Variants in PPP1R9A observed in about 807,000 individuals in gnomAD.
PPP1R9A encodes the protein protein phosphatase 1 regulatory subunit 9A.
In PPP1R9A, 59 loss-of-function variants were observed where a neutral mutation model predicts 141.9. That is an observed-to-expected ratio of 0.42 (90% CI 0.34 to 0.52). The LOEUF (loss-of-function observed/expected upper bound fraction) is 0.52. Among genes scored for constraint, PPP1R9A ranks in the 20% least tolerant of loss-of-function variants. The pLI is 0.10. For missense variants in PPP1R9A, 1,444 were observed against 1,611.9 expected (o/e 0.90, Z 1.78); for synonymous variants, 500 against 569.7 (o/e 0.88, Z 1.74).
chr7:95,119,819 A>G (rs957039425), intron 3 of PPP1R9A, among the ~76,000 whole-genome samples: 7 of 152,144 alleles, frequency 4.6e-5, no homozygotes, highest in Non-Finnish European at 1.0e-4. Context: ...GTGTAAGCAA[A>G]TAAGAAGGAA....
chr7:95,054,875 A>G (rs1009641296), intron 2 of PPP1R9A, among the ~76,000 whole-genome samples: 1 of 152,054 alleles, frequency 6.6e-6, no homozygotes, highest in African/African-American at 2.4e-5. Flanking sequence ...TCATTACCCT[A>G]CTTCCAGTGC....
intron 7 of PPP1R9A, among the ~76,000 whole-genome samples, chr7:95,209,096 G>A (rs2152903287): frequency 6.6e-6 from 1 of 151,936 alleles, no homozygotes; most frequent in Non-Finnish European, 1.5e-5. Flanking sequence ...CCTTAAATAA[G>A]TTGTTAGTTT....
intron 5 of PPP1R9A, among the ~76,000 whole-genome samples, chr7:95,196,630 G>C (rs1836320791): frequency 6.6e-6 from 1 of 152,054 alleles, no homozygotes; most frequent in South Asian, 2.1e-4. Flanking sequence ...TGATAAAAAA[G>C]AGCAAATAAC....
chr7:95,037,891 G>T (rs1808665739), intron 2 of PPP1R9A, among the ~76,000 whole-genome samples: 1 of 151,476 alleles, frequency 6.6e-6, no homozygotes, highest in South Asian at 2.1e-4. Flanking sequence ...GATTGTTTGA[G>T]CCCAGGAGTT....
intron 2 of PPP1R9A, among the ~76,000 whole-genome samples, chr7:95,063,137 G>A (rs1374557477): frequency 6.6e-6 from 1 of 152,134 alleles, no homozygotes; most frequent in African/African-American, 2.4e-5. Flanking sequence ...AGGACTCAAG[G>A]GAATGACTGG....
At chr7:95,147,095 A>C (rs1827766027) in intron 4 of PPP1R9A, among the ~76,000 whole-genome samples, 1 of 152,204 alleles carries the variant, frequency 6.6e-6, no homozygotes, top group Non-Finnish European at 1.5e-5. Flanking sequence ...CAGTATGGCC[A>C]TTTTCATGAT....
intron 18 of PPP1R9A, 47 bp from the exon 19 acceptor site, chr7:95,288,489 A>G (rs765293739): frequency 1.3e-6 from 2 of 1,592,360 alleles, no homozygotes. Flanking sequence ...AATATGAGCC[A>G]TAGTATCTTG....
chr7:95,194,407 G>A (rs985302847), intron 5 of PPP1R9A, among the ~76,000 whole-genome samples: 16 of 152,026 alleles, frequency 1.1e-4, no homozygotes, highest in African/African-American at 3.9e-4. Flanking sequence ...AGTGAACAAA[G>A]TGAGGATGTC....
chr7:95,249,989 G>A (rs777862060), intron 9 of PPP1R9A, 37 bp from the exon 10 acceptor site: 2 of 1,516,836 alleles, frequency 1.3e-6, no homozygotes, highest in South Asian at 1.3e-5. Flanking sequence ...CACAAAAGTG[G>A]CCAAATTATC....
At chr7:95,001,545 T>C (rs1187859443) in intron 2 of PPP1R9A, among the ~76,000 whole-genome samples, 1 of 152,202 alleles carries the variant, frequency 6.6e-6, no homozygotes, top group Non-Finnish European at 1.5e-5. Context: ...CATGTGACTC[T>C]CACAATGTTA....
intron 2 of PPP1R9A, among the ~76,000 whole-genome samples, chr7:94,968,756 C>T (rs1187024227): frequency 6.6e-6 from 1 of 152,114 alleles, no homozygotes. Flanking sequence ...GTTCCATTCT[C>T]CCTGTCACTT....
At chr7:95,202,678 T>A (rs1789839527) in intron 6 of PPP1R9A, 2 of 625,694 alleles carry the variant, frequency 3.2e-6, no homozygotes, top group South Asian at 7.1e-5. Context: ...TAGTAACATT[T>A]AATCTCTTGT....
Position 95,251,875 on chromosome 7 carries a change from A to T in PPP1R9A, c.2493+17A>T. ...CAAGTGCGGGTAAGTTGTGTTCCCTAAGACACTAAATAATAAGATGGTTTT... is the reference window on the plus strand; with the variant it reads ...CAAGTGCGGGTAAGTTGTGTTCCCTTAGACACTAAATAATAAGATGGTTTT... On this transcript the variant is annotated intron_variant, in intron 11 of 19. Coordinates refer to ENST00000433360, the MANE Select transcript of PPP1R9A (RefSeq NM_001166160.2). 1 of 1,612,526 alleles carries T rather than the reference A, an allele frequency of 6.2e-7. No homozygotes were observed. The highest frequency in any genetic ancestry group is 1.3e-5 in the African/African-American group (1 of 74,836).
intron 7 of PPP1R9A, among the ~76,000 whole-genome samples, chr7:95,222,639 G>A (rs990759407): frequency 1.3e-5 from 2 of 151,986 alleles, no homozygotes; most frequent in Admixed American, 1.3e-4. Flanking sequence ...TGCGTGTTAG[G>A]ACAAAGAATT....
intron 5 of PPP1R9A, among the ~76,000 whole-genome samples, chr7:95,195,791 C>T (rs1836182020): frequency 6.6e-6 from 1 of 152,102 alleles, no homozygotes; most frequent in Non-Finnish European, 1.5e-5. Flanking sequence ...TGGCTCATGC[C>T]TGTAATCCCA....
intron 2 of PPP1R9A, among the ~76,000 whole-genome samples, chr7:95,049,458 T>G (rs1040219360): frequency 2.6e-5 from 4 of 152,288 alleles, no homozygotes; most frequent in Admixed American, 6.5e-5. Flanking sequence ...CCCTGGCTCC[T>G]TCCCAGCCTC....
At position 94,985,925 on chromosome 7, in the gene PPP1R9A, T is replaced by C. The variant is rs2151380045; in HGVS notation, c.1395+74417T>C. 1.3e-5 allele frequency among the ~76,000 whole-genome samples: 2 copies of C among 152,362 alleles called. 1 individual carries two copies. The highest frequency in any genetic ancestry group is 4.1e-4 in the South Asian group (2 of 4,832). ...AAAGTTTTCAGAAAAATGAGATATT[T>C]ATCTTGAGGAAGATTTGGCTGTTGG... On this transcript the variant is annotated intron_variant, in intron 2 of 19. Transcript: ENST00000433360.
intron 2 of PPP1R9A, among the ~76,000 whole-genome samples, chr7:94,953,906 C>T (rs1389041642): frequency 1.3e-5 from 2 of 152,140 alleles, no homozygotes; most frequent in Admixed American, 6.6e-5. Context: ...CATCTGCAAA[C>T]AGAGACAATT....
intron 2 of PPP1R9A, among the ~76,000 whole-genome samples, chr7:94,943,320 G>GT (rs1214754110): frequency 6.6e-6 from 1 of 152,152 alleles, no homozygotes; most frequent in Non-Finnish European, 1.5e-5. Context: ...CTAAAAGATT[G>GT]TTGGCACATC....
Sources: allele counts gnomAD v4.1 joint callset (sites outside exome capture counted in the v4.1 genomes callset), GRCh38; gene constraint gnomAD v4.1.1; transcripts MANE v1.5; gene names NCBI Gene and HGNC (gene_info 2026-07-23, HGNC 2026-07-21).